Variants in DCDC1 observed in about 807,000 individuals in gnomAD.
DCDC1 encodes doublecortin domain-containing protein 1.
A neutral mutation model predicts 178.3 loss-of-function variants in DCDC1; 200 were observed. The observed-to-expected ratio is 1.12, with a 90% CI of 1.00 to 1.26. The LOEUF is 1.26. Ranked by LOEUF, DCDC1 falls within the 50% of genes most tolerant of loss-of-function variation. The pLI is 0.00. For missense variants in DCDC1, 1,983 were observed against 1,749.2 expected (o/e 1.13, Z -2.38); for synonymous variants, 690 against 604.8 (o/e 1.14, Z -2.07).
At chr11:31,038,139 A>G (rs910910180) in intron 20 of DCDC1, among the ~76,000 whole-genome samples, 2 of 151,840 alleles carry the variant, frequency 1.3e-5, no homozygotes, top group South Asian at 2.1e-4. Flanking sequence ...TAATGGGTGC[A>G]ACACCAACAT....
At chr11:30,915,404 A>G in intron 27 of DCDC1, 107 bp downstream of exon 27, 10 of 1,187,300 alleles carry the variant, frequency 8.4e-6, no homozygotes, top group African/African-American at 1.5e-5. Flanking sequence ...TAAATAGAAG[A>G]CCCAGAATTC....
chr11:30,941,843 A>G (rs540424412), intron 21 of DCDC1, among the ~76,000 whole-genome samples: 1 of 152,320 alleles, frequency 6.6e-6, no homozygotes, highest in African/African-American at 2.4e-5. Flanking sequence ...CATTAATTGC[A>G]TTTAATTAGG....
At chr11:31,256,452 G>A (rs2137031670) in intron 8 of DCDC1, among the ~76,000 whole-genome samples, 1 of 152,234 alleles carries the variant, frequency 6.6e-6, no homozygotes, top group East Asian at 1.9e-4. Flanking sequence ...ACAAAACTCA[G>A]GAAAGTGCTA....
At chr11:30,901,253 A>G (rs1008508601) in intron 32 of DCDC1, among the ~76,000 whole-genome samples, 3 of 152,144 alleles carry the variant, frequency 2.0e-5, no homozygotes, top group Non-Finnish European at 4.4e-5. Context: ...GAAAATTAAT[A>G]TATATTGAGA....
chr11:31,101,850 A>G (rs989389966), intron 15 of DCDC1, among the ~76,000 whole-genome samples: 1 of 152,120 alleles, frequency 6.6e-6, no homozygotes, highest in African/African-American at 2.4e-5. Context: ...GCCGAGGTGG[A>G]CGGATCACTT....
At chr11:30,969,410 G>A (rs1035395492) in intron 20 of DCDC1, among the ~76,000 whole-genome samples, 15 of 152,158 alleles carry the variant, frequency 9.9e-5, no homozygotes, top group African/African-American at 3.1e-4. Flanking sequence ...CAAAAGCTGA[G>A]AGGCAAGGAA....
intron 20 of DCDC1, among the ~76,000 whole-genome samples, chr11:30,978,929 C>T (rs1053412817): frequency 5.9e-5 from 9 of 152,056 alleles, no homozygotes; most frequent in African/African-American, 2.2e-4. Context: ...GTCTGTCTTT[C>T]TGTGCCTGGT....
chr11:30,947,161 T>C lies in DCDC1; in HGVS notation c.2715+5284A>G, dbSNP rs1268122706. On this transcript the variant is annotated intron_variant, in intron 21 of 38. Transcript: ENST00000684477. Reference sequence around the variant, plus strand: ...AAATTAATAATATGGAAGAAAAATGTCTGAAAATAAGATGCAAAAATGCAT... The same window carrying C: ...AAATTAATAATATGGAAGAAAAATGCCTGAAAATAAGATGCAAAAATGCAT... Among the ~76,000 whole-genome samples, 5 of 152,162 alleles carry C rather than the reference T, an allele frequency of 3.3e-5. No homozygotes were observed. In the East Asian group the frequency reaches 9.6e-4, roughly 29 times the overall value.
chr11:30,936,758 G>A (rs1947304167), intron 21 of DCDC1, among the ~76,000 whole-genome samples: 1 of 152,148 alleles, frequency 6.6e-6, no homozygotes, highest in Non-Finnish European at 1.5e-5. Context: ...GCCTGCAGCT[G>A]GAAGATGTCT....
chr11:31,199,459 T>C (rs1334553973), intron 9 of DCDC1, among the ~76,000 whole-genome samples: 1 of 152,100 alleles, frequency 6.6e-6, no homozygotes, highest in Non-Finnish European at 1.5e-5. Context: ...AAGAAGACTT[T>C]GTGTTTTCAG....
intron 9 of DCDC1, among the ~76,000 whole-genome samples, chr11:31,209,012 G>A (rs546911299): frequency 8.5e-4 from 130 of 152,164 alleles, no homozygotes; most frequent in African/African-American, 2.8e-3. Context: ...CCTTGTATGC[G>A]TGTACATTTC....
At chr11:30,925,495 T>G in intron 22 of DCDC1, 87 bp from the exon 23 acceptor site, 1 of 1,177,000 alleles carries the variant, frequency 8.5e-7, no homozygotes, top group Non-Finnish European at 1.2e-6. Flanking sequence ...GGGGCCTGAA[T>G]CCATAATGAC....
chr11:31,073,387 G>GA (rs78332890), intron 18 of DCDC1, among the ~76,000 whole-genome samples: 13,560 of 151,840 alleles, frequency 0.089, 811 homozygotes, highest in East Asian at 0.29. Context: ...TAAATTTGGG[G>GA]AAAAAAAATG....
chr11:31,099,794 C>A (rs1005049783), intron 15 of DCDC1, among the ~76,000 whole-genome samples: 1 of 150,580 alleles, frequency 6.6e-6, no homozygotes, highest in African/African-American at 2.4e-5. Context: ...TCTCGGCTCA[C>A]TACAACCTCT....
intron 6 of DCDC1, among the ~76,000 whole-genome samples, chr11:31,294,564 CA>C (rs1947467901): frequency 7.6e-6 from 1 of 131,744 alleles, no homozygotes; most frequent in African/African-American, 2.9e-5. Context: ...GCCTGGGCAA[CA>C]AGAGTGAAAC....
At chr11:31,242,397 T>C (rs2136905191) in intron 8 of DCDC1, among the ~76,000 whole-genome samples, 1 of 152,030 alleles carries the variant, frequency 6.6e-6, no homozygotes, top group South Asian at 2.1e-4. Context: ...ACATGGCAGC[T>C]AGCTAACATT....
intron 8 of DCDC1, among the ~76,000 whole-genome samples, chr11:31,258,377 T>C (rs949738965): frequency 6.6e-6 from 1 of 152,124 alleles, no homozygotes; most frequent in Non-Finnish European, 1.5e-5. Context: ...AAGAAAAATA[T>C]CTAGAGGCAT....
At chr11:31,053,210 C>A (rs1590887157) in intron 20 of DCDC1, among the ~76,000 whole-genome samples, 1 of 152,048 alleles carries the variant, frequency 6.6e-6, no homozygotes, top group Admixed American at 6.5e-5. Context: ...CACCTTTATG[C>A]ACATAAACTG....
At chr11:31,053,869 C>T (rs1169040633) in intron 20 of DCDC1, among the ~76,000 whole-genome samples, 3 of 151,962 alleles carry the variant, frequency 2.0e-5, no homozygotes, top group Non-Finnish European at 4.4e-5. Flanking sequence ...GACATAATAC[C>T]GAATGGGGAA....
Sources: allele counts gnomAD v4.1 joint callset (sites outside exome capture counted in the v4.1 genomes callset), GRCh38; gene constraint gnomAD v4.1.1; transcripts MANE v1.5; gene names NCBI Gene and HGNC (gene_info 2026-07-23, HGNC 2026-07-21).